The following STAB2 variants were observed in gnomAD, a reference collection of about 807,000 sequenced individuals.
STAB2 encodes the protein stabilin 2, also known as stabilin-2.
STAB2 carries 288 observed loss-of-function variants against 338.1 expected under a neutral mutation model. The ratio of observed to expected loss-of-function variants is 0.85; its 90% CI spans 0.77 to 0.94. STAB2 has a LOEUF of 0.94. Among genes scored for constraint, STAB2 ranks in the 40% least tolerant of loss-of-function variants. The pLI is 0.00. For missense variants in STAB2, 3,141 were observed against 3,210.1 expected (o/e 0.98, Z 0.52); for synonymous variants, 1,202 against 1,193.3 (o/e 1.01, Z -0.15).
chr12:103,658,819 C>T (rs1218039164), intron 15 of STAB2, among the ~76,000 whole-genome samples: 1 of 152,158 alleles, frequency 6.6e-6, no homozygotes, highest in Non-Finnish European at 1.5e-5. Context: ...GTTAGCAAAC[C>T]AGACAGACCC....
At chr12:103,722,882 C>T (rs1880874359) in intron 44 of STAB2, among the ~76,000 whole-genome samples, 1 of 152,160 alleles carries the variant, frequency 6.6e-6, no homozygotes, top group South Asian at 2.1e-4. Context: ...ACCCAGACCC[C>T]AGGTGGAGAC....
At chr12:103,722,483 T>C (rs1176633543) in intron 44 of STAB2, among the ~76,000 whole-genome samples, 1 of 151,892 alleles carries the variant, frequency 6.6e-6, no homozygotes, top group African/African-American at 2.4e-5. Flanking sequence ...GAGAAGAAAA[T>C]TGGAAGTAAG....
At chr12:103,652,964 C>T (rs1399503414) in intron 12 of STAB2, among the ~76,000 whole-genome samples, 5 of 152,212 alleles carry the variant, frequency 3.3e-5, no homozygotes, top group Non-Finnish European at 7.3e-5. Flanking sequence ...TTCAAGGCAA[C>T]TGTCATTCAA....
At chr12:103,708,666 A>G (rs753327504) in intron 39 of STAB2, 130 bp downstream of exon 39, 2 of 849,498 alleles carry the variant, frequency 2.4e-6, no homozygotes, top group Non-Finnish European at 3.6e-6. Context: ...TCTTTCTTGC[A>G]GCAAAAAGTT....
chr12:103,622,160 C>A, intron 5 of STAB2, 49 bp downstream of exon 5: 1 of 1,586,268 alleles, frequency 6.3e-7, no homozygotes, highest in Non-Finnish European at 8.6e-7. Flanking sequence ...GTTGACAGTC[C>A]ATGAGAAAGA....
rs758420330 is a variant in STAB2 at position 103,594,474 on chromosome 12, C to T, written c.295C>T (p.Arg99Trp). 4.8e-5 allele frequency: 78 copies of T among 1,613,854 alleles called. No individual in the cohort carries two copies. The highest frequency in any genetic ancestry group is 1.2e-4 in the South Asian group (11 of 91,076). ...TTGTAGGAAGGACTATCTCCAACCT[C>T]GGTGTTGTCCTGGCCGCTGGGGCCC... ...HICRKDYLQP[R>W]CCPGRWGPDC... The change falls in exon 3 of 69, where the codon CGG (arginine) becomes TGG (tryptophan). Residue 99 changes from arginine (R) to tryptophan (W), a missense_variant. Transcript: ENST00000388887.
Position 103,713,671 on chromosome 12 carries a change from A to C in STAB2, c.4440A>C (p.Gly1480=), listed in dbSNP as rs368971388. 2.3e-5 allele frequency: 37 copies of C among 1,613,900 alleles called. No homozygotes were observed. In the African/African-American group the frequency reaches 2.4e-4, roughly 10 times the overall value. The change falls in exon 42 of 69, where the codon GGA becomes GGC. Residue 1480 remains glycine, a synonymous_variant. Transcript: ENST00000388887. ...TAINACEISN[G]GCSAKADCKR... is the part of the protein sequence containing the mutation. ...TCAATGCCTGTGAGATCAGCAATGGAGGTTGCTCTGCCAAGGCTGACTGTA... is the reference window on the plus strand; with the variant it reads ...TCAATGCCTGTGAGATCAGCAATGGCGGTTGCTCTGCCAAGGCTGACTGTA...
rs185150228 is a variant in STAB2, at chr12:103,725,674, G to T, written c.4804-442G>T. On this transcript the variant is annotated intron_variant, in intron 45 of 68. Transcript: ENST00000388887. ...TATGCACGTGTGTGTGCATGTGTGTGTGTACTGAGCATAGTGGTTGAGGCA... is the reference window on the plus strand; with the variant it reads ...TATGCACGTGTGTGTGCATGTGTGTTTGTACTGAGCATAGTGGTTGAGGCA... 7.0e-4 allele frequency among the ~76,000 whole-genome samples: 106 copies of T among 152,320 alleles called. 2 individuals are homozygous for T. Among genetic ancestry groups the T allele is most frequent in the African/African-American group, 1.8e-3 (75 of 41,564 alleles).
At chr12:103,668,314 TAG>T (rs1303618062) in intron 19 of STAB2, among the ~76,000 whole-genome samples, 2 of 152,218 alleles carry the variant, frequency 1.3e-5, no homozygotes, top group Non-Finnish European at 2.9e-5. Context: ...GGGATGGCTA[TAG>T]ATCGGAAGGG....
chr12:103,757,035 T>TGTAA (rs1348520584), intron 63 of STAB2, among the ~76,000 whole-genome samples: 1 of 138,540 alleles, frequency 7.2e-6, no homozygotes, highest in Non-Finnish European at 1.6e-5. Context: ...ATATATAAAA[T>TGTAA]ATATATATTA....
chr12:103,603,634 A>C (rs1956986238), intron 3 of STAB2, among the ~76,000 whole-genome samples: 1 of 152,198 alleles, frequency 6.6e-6, no homozygotes, highest in Non-Finnish European at 1.5e-5. Context: ...AGTAAGCCTT[A>C]AAATGAAGTA....
At chr12:103,666,153 G>T (rs1389994301) in intron 18 of STAB2, 138 bp from the exon 19 acceptor site, 15 of 748,528 alleles carry the variant, frequency 2.0e-5, no homozygotes, top group Non-Finnish European at 2.9e-5. Flanking sequence ...GTGTGGGGAG[G>T]GGGTGGGTAG....
intron 50 of STAB2, among the ~76,000 whole-genome samples, chr12:103,731,859 A>G (rs1881661499): frequency 6.6e-6 from 1 of 152,178 alleles, no homozygotes; most frequent in Non-Finnish European, 1.5e-5. Context: ...TGAGTTAGAA[A>G]TTGAGGATTT....
Position 103,662,901 on chromosome 12 carries a change from A to T in STAB2, c.1925A>T (p.Asn642Ile). ...GAAGAAATTGAGATCACTGCCAAAA[A>T]TGGCCGAATTTACACACTGACAGGA... ...AMEEIEITAK[N>I]GRIYTLTGVL... Residue 642 changes from asparagine (N) to isoleucine (I), a missense_variant, in exon 18 of 69, where the codon AAT (asparagine) becomes ATT (isoleucine). Asn to Ile is a moderately radical substitution (Grantham distance 149). Transcript: ENST00000388887. 1.9e-6 allele frequency: 3 copies of T among 1,614,188 alleles called. No individual in the cohort carries two copies. The highest frequency in any genetic ancestry group is 2.5e-6 in the Non-Finnish European group (3 of 1,180,026).
At position 103,650,668 on chromosome 12, in the gene STAB2, A is replaced by T. The variant is rs147707354; in HGVS notation, c.1257+90A>T. On this transcript the variant is annotated intron_variant, in intron 11 of 68. Coordinates refer to ENST00000388887, the MANE Select transcript of STAB2 (RefSeq NM_017564.10). ...CTTTTATTTAAAGTGGGAAATCCCC[A>T]TTAAAATTAAACCTACTGATGATAA... 427 of 1,057,300 alleles carry T rather than the reference A, an allele frequency of 4.0e-4. 3 individuals are homozygous for T. The East Asian group carries it at 8.7e-3, about 22-fold the overall frequency. 65.5% of individuals were successfully genotyped at this position (1,057,300 alleles called of 1,614,324 possible).
At chr12:103,693,613 A>G (rs955551591) in intron 31 of STAB2, among the ~76,000 whole-genome samples, 2 of 152,216 alleles carry the variant, frequency 1.3e-5, no homozygotes, top group African/African-American at 2.4e-5. Flanking sequence ...CCCTAAGGAA[A>G]AAAGTGGAAA....
At chr12:103,727,827 T>A (rs1233456363) in intron 47 of STAB2, among the ~76,000 whole-genome samples, 2 of 152,180 alleles carry the variant, frequency 1.3e-5, no homozygotes, top group East Asian at 3.9e-4. Flanking sequence ...GTACCCGGCT[T>A]AGAATGACTC....
intron 3 of STAB2, among the ~76,000 whole-genome samples, chr12:103,609,422 G>A (rs1197063135): frequency 6.6e-6 from 1 of 151,952 alleles, no homozygotes; most frequent in Non-Finnish European, 1.5e-5. Context: ...AAGTTGGATT[G>A]CTAGGTATTT....
chr12:103,721,360 G>C (rs1880748239), intron 44 of STAB2, among the ~76,000 whole-genome samples: 1 of 152,230 alleles, frequency 6.6e-6, no homozygotes, highest in Admixed American at 6.5e-5. Context: ...AAGAGGAAGA[G>C]CTTGGCATGT....
Sources: gnomAD v4.1 joint callset for allele counts (sites outside exome capture counted in the v4.1 genomes callset) on GRCh38, gnomAD v4.1.1 for gene constraint, MANE v1.5 for transcripts, NCBI Gene and HGNC (gene_info 2026-07-23, HGNC 2026-07-21) for gene names.